The following SPAG16 variants were observed in gnomAD, a reference collection of about 807,000 sequenced individuals.
SPAG16 encodes sperm-associated antigen 16 protein.
A neutral mutation model predicts 80.4 loss-of-function variants in SPAG16; 86 were observed. The ratio of observed to expected loss-of-function variants is 1.07; its 90% CI spans 0.90 to 1.28. SPAG16 has a LOEUF of 1.28. Ranked by LOEUF, SPAG16 falls within the 50% of genes most tolerant of loss-of-function variation. The probability of loss-of-function intolerance (pLI) is 0.00; values close to 1 mark genes in which losing one functional copy is unlikely to be tolerated. For missense variants in SPAG16, 870 were observed against 765.3 expected, an observed-to-expected ratio of 1.14 and a Z score of -1.61; for synonymous variants, 294 against 265.9, an observed-to-expected ratio of 1.11 and a Z score of -1.03.
intron 13 of SPAG16, among the ~76,000 whole-genome samples, chr2:214,089,318 G>A (rs1179718604): frequency 6.6e-6 from 1 of 151,976 alleles, no homozygotes; most frequent in African/African-American, 2.4e-5. Flanking sequence ...TTCCTCAACA[G>A]GGTATTTTTA....
At chr2:214,400,774 T>C (rs1240999526) in intron 15 of SPAG16, among the ~76,000 whole-genome samples, 1 of 152,062 alleles carries the variant, frequency 6.6e-6, no homozygotes, top group African/African-American at 2.4e-5. Flanking sequence ...TATTTTATGT[T>C]TTCTAAGTAA....
At chr2:213,381,031 A>G (rs1333508817) in intron 9 of SPAG16, among the ~76,000 whole-genome samples, 1 of 152,130 alleles carries the variant, frequency 6.6e-6, no homozygotes, top group East Asian at 1.9e-4. Flanking sequence ...TCAAGAATAC[A>G]ATCAGAAGCC....
chr2:213,901,238 T>C (rs1170065375), intron 11 of SPAG16, among the ~76,000 whole-genome samples: 1 of 152,200 alleles, frequency 6.6e-6, no homozygotes, highest in African/African-American at 2.4e-5. Flanking sequence ...GGGCTTCAGT[T>C]TGGGCCTAAG....
chr2:213,528,795 A>T (rs1248776851), intron 10 of SPAG16, among the ~76,000 whole-genome samples: 1 of 152,170 alleles, frequency 6.6e-6, no homozygotes, highest in Non-Finnish European at 1.5e-5. Context: ...AAATTGCAAA[A>T]CAATTTCATA....
At chr2:214,397,892 C>G (rs1034171971) in intron 15 of SPAG16, among the ~76,000 whole-genome samples, 1 of 152,152 alleles carries the variant, frequency 6.6e-6, no homozygotes, top group South Asian at 2.1e-4. Context: ...CCTAAAATGA[C>G]AGCATCTTGT....
intron 1 of SPAG16, among the ~76,000 whole-genome samples, chr2:213,291,198 T>C (rs907717380): frequency 4.6e-5 from 7 of 152,208 alleles, no homozygotes; most frequent in Middle Eastern, 3.2e-3. Flanking sequence ...TATTTCCTTT[T>C]CTCCTCCAAT....
chr2:213,364,224 A>C, intron 8 of SPAG16, 79 bp downstream of exon 8: 1 of 842,192 alleles, frequency 1.2e-6, no homozygotes, highest in Non-Finnish European at 1.7e-6. Context: ...AATATTCTAG[A>C]GATATTTAAA....
chr2:214,319,200 C>CCCCACACACACACA (rs1553554493), intron 15 of SPAG16, among the ~76,000 whole-genome samples: 5 of 142,340 alleles, frequency 3.5e-5, no homozygotes, highest in East Asian at 4.1e-4. Flanking sequence ...CACACACACA[C>CCCCACACACACACA]CACACACACA....
chr2:213,563,829 T>C (rs1188579844), intron 10 of SPAG16, among the ~76,000 whole-genome samples: 1 of 152,228 alleles, frequency 6.6e-6, no homozygotes, highest in Non-Finnish European at 1.5e-5. Context: ...GGACTAAACA[T>C]ATTAATGTAC....
intron 10 of SPAG16, among the ~76,000 whole-genome samples, chr2:213,644,726 T>C (rs542633167): frequency 7.4e-4 from 113 of 152,316 alleles, no homozygotes; most frequent in Non-Finnish European, 1.0e-3. Context: ...CTCTCTGTTC[T>C]GAACCACCTA....
At chr2:213,500,509 G>T (rs745577488) in intron 10 of SPAG16, among the ~76,000 whole-genome samples, 1 of 152,104 alleles carries the variant, frequency 6.6e-6, no homozygotes, top group Non-Finnish European at 1.5e-5. Context: ...TTTTCTTCAC[G>T]CATTCAATGG....
intron 10 of SPAG16, among the ~76,000 whole-genome samples, chr2:213,624,252 T>C (rs572962528): frequency 6.6e-6 from 1 of 151,724 alleles, no homozygotes; most frequent in African/African-American, 2.4e-5. Flanking sequence ...TCAGGCTATT[T>C]ATCATCATCT....
intron 15 of SPAG16, among the ~76,000 whole-genome samples, chr2:214,214,088 T>C (rs1457150041): frequency 2.0e-5 from 3 of 152,196 alleles, no homozygotes; most frequent in Non-Finnish European, 4.4e-5. Flanking sequence ...ATCAATATTT[T>C]TTTATTCTAT....
chr2:213,315,604 C>G (rs2063368163), intron 4 of SPAG16, among the ~76,000 whole-genome samples: 1 of 151,960 alleles, frequency 6.6e-6, no homozygotes, highest in Admixed American at 6.6e-5. Context: ...GAGCATATCT[C>G]CTTGAAAAAA....
intron 12 of SPAG16, among the ~76,000 whole-genome samples, chr2:213,964,175 C>G (rs892501580): frequency 6.6e-6 from 1 of 152,014 alleles, no homozygotes; most frequent in Non-Finnish European, 1.5e-5. Flanking sequence ...TAAAACATAA[C>G]TACATATGAA....
intron 10 of SPAG16, among the ~76,000 whole-genome samples, chr2:213,673,558 G>A (rs1406934717): frequency 1.3e-5 from 2 of 152,128 alleles, no homozygotes; most frequent in Admixed American, 6.6e-5. Flanking sequence ...AGACCATTGA[G>A]TCAAGGGAAA....
intron 9 of SPAG16, among the ~76,000 whole-genome samples, chr2:213,412,537 T>G (rs2069032957): frequency 6.6e-6 from 1 of 152,268 alleles, no homozygotes; most frequent in Admixed American, 6.5e-5. Context: ...ATGTTGGTCC[T>G]CAATAAATCC....
At chr2:213,297,666 G>A (rs550152369) in intron 3 of SPAG16, among the ~76,000 whole-genome samples, 1 of 152,098 alleles carries the variant, frequency 6.6e-6, no homozygotes, top group Non-Finnish European at 1.5e-5. Flanking sequence ...TTAGAATTTA[G>A]TGTCATATAC....
intron 10 of SPAG16, among the ~76,000 whole-genome samples, chr2:213,781,696 TA>T (rs1389974792): frequency 6.6e-6 from 1 of 152,192 alleles, no homozygotes; most frequent in East Asian, 1.9e-4. Flanking sequence ...GTGCACTGGG[TA>T]AATTTTCTAG....
Sources: allele counts gnomAD v4.1 joint callset (sites outside exome capture counted in the v4.1 genomes callset), GRCh38; gene constraint gnomAD v4.1.1; transcripts MANE v1.5; gene names NCBI Gene and HGNC (gene_info 2026-07-23, HGNC 2026-07-21).